Variants in TMEM86A observed in about 807,000 individuals in gnomAD.
The protein encoded by TMEM86A is transmembrane protein 86A, also known as lysoplasmalogenase TMEM86A.
In TMEM86A, 13 loss-of-function variants were observed where a neutral mutation model predicts 19.8. That is an observed-to-expected ratio of 0.66 (90% CI 0.43 to 1.04). The LOEUF (loss-of-function observed/expected upper bound fraction) is 1.04. Among genes scored for constraint, TMEM86A ranks in the 50% least tolerant of loss-of-function variants. The pLI, the probability that TMEM86A is intolerant of heterozygous loss-of-function variation, is 0.00. For missense variants in TMEM86A, 248 were observed against 306.8 expected, an observed-to-expected ratio of 0.81 and a Z score of 1.43; for synonymous variants, 128 against 129.9, an observed-to-expected ratio of 0.99 and a Z score of 0.10.
Position 18,699,217 on chromosome 11 carries a change from G to C in TMEM86A, c.21+310G>C, listed in dbSNP as rs1021849165. Among the ~76,000 whole-genome samples, 8 of 152,332 alleles carry C rather than the reference G, an allele frequency of 5.3e-5. No individual in the cohort carries two copies. Among genetic ancestry groups the C allele is most frequent in the African/African-American group, 1.9e-4 (8 of 41,576 alleles). ...CGGGGTCGCGGCCCGGGAGAGGGAGGGGACCGCTGCCGGCCGCAGAGTTCC... is the reference window on the plus strand; with the variant it reads ...CGGGGTCGCGGCCCGGGAGAGGGAGCGGACCGCTGCCGGCCGCAGAGTTCC... On this transcript the variant is annotated intron_variant, in intron 1 of 2. Transcript: ENST00000280734. The surrounding 1 kb of genome is among the most constrained non-coding windows in gnomAD (Gnocchi z 4.0).
Position 18,701,644 on chromosome 11 carries a change from A to G in TMEM86A, c.358A>G (p.Thr120Ala). 1 of 1,602,384 alleles carries G rather than the reference A, an allele frequency of 6.2e-7. No individual in the cohort carries two copies. Among genetic ancestry groups the G allele is most frequent in the Non-Finnish European group, 8.5e-7 (1 of 1,172,104 alleles). Reference protein sequence around the residue: ...AFGMQPLALRTGLVMAALSGL... With the variant: ...AFGMQPLALRAGLVMAALSGL... ...TGGCATGCAGCCACTGGCTCTTCGG[A>G]CAGGTCTGGTGATGGCAGCGCTGTC... The change falls in exon 3 of 3, where the codon ACA (threonine) becomes GCA (alanine). Residue 120 changes from threonine to alanine, a missense_variant. Thr to Ala is a moderately conservative substitution (Grantham distance 58). Coordinates refer to ENST00000280734, the MANE Select transcript of TMEM86A (RefSeq NM_153347.3). This position sits in a 1 kb window ranked among gnomAD's most constrained non-coding sequence, Gnocchi z 5.3.
Position 18,704,082 on chromosome 11 carries a change from A to G in TMEM86A, c.*2073A>G. On this transcript the variant is annotated 3_prime_UTR_variant, in exon 3 of 3. Transcript: ENST00000280734. Reference sequence around the variant, plus strand: ...GAAGAAATGGGAGGGAGCAGGATGGAGAGCAGGATGAAGTCAGCAGGACTT... The same window carrying G: ...GAAGAAATGGGAGGGAGCAGGATGGGGAGCAGGATGAAGTCAGCAGGACTT... The G allele has an allele frequency of 4.5e-6, 1 of 224,416 alleles. No individual in the cohort carries two copies. The highest frequency in any genetic ancestry group is 1.0e-4 in the East Asian group (1 of 9,992). 13.9% of individuals were successfully genotyped at this position (224,416 alleles called of 1,614,324 possible). A position where few individuals can be genotyped will look rare whatever the true frequency, so the allele number is the denominator to read the frequency against.
Position 18,701,057 on chromosome 11 carries a change from G to C in TMEM86A, c.146G>C (p.Cys49Ser). 1 of 1,614,174 alleles carries C rather than the reference G, an allele frequency of 6.2e-7. No individual in the cohort carries two copies. The highest frequency in any genetic ancestry group is 1.3e-5 in the African/African-American group (1 of 75,042). The change falls in exon 2 of 3, where the codon TGC (cysteine) becomes TCC (serine). Residue 49 changes from cysteine (C) to serine (S), a missense_variant. Cys to Ser is a moderately radical substitution (Grantham distance 112, BLOSUM62 -1). Transcript: ENST00000280734. The surrounding 1 kb of genome is among the most constrained non-coding windows in gnomAD (Gnocchi z 5.3). ...STLIKCLPIF[C>S]LWLFLLAHGL... ...CTCATCAAGTGCCTGCCTATCTTCT[G>C]CCTCTGGCTCTTCCTTCTGGCCCAT...
rs1255108554 is a variant in TMEM86A, at chr11:18,704,775, G to A, written c.*2766G>A. 1 of 470,744 alleles carries A rather than the reference G, an allele frequency of 2.1e-6. No homozygotes were observed. The highest frequency in any genetic ancestry group is 3.9e-6 in the Non-Finnish European group (1 of 257,370). 29.2% of individuals were successfully genotyped at this position (470,744 alleles called of 1,614,324 possible). On this transcript the variant is annotated 3_prime_UTR_variant, in exon 3 of 3. Coordinates refer to ENST00000280734, the MANE Select transcript of TMEM86A (RefSeq NM_153347.3). Reference sequence around the variant, plus strand: ...AGCCTCATAGTCCTATAAAGAAGATGAGAAAACAGGCTCAATGAGGTAGCT... The same window carrying A: ...AGCCTCATAGTCCTATAAAGAAGATAAGAAAACAGGCTCAATGAGGTAGCT...
Position 18,704,769 on chromosome 11 carries a change from G to A in TMEM86A, c.*2760G>A. 1 of 487,168 alleles carries A rather than the reference G, an allele frequency of 2.1e-6. No homozygotes were observed. Among genetic ancestry groups the A allele is most frequent in the Non-Finnish European group, 3.7e-6 (1 of 267,308 alleles). The allele number at this position is 487,168 out of a possible 1,614,324, so 30.2% of individuals were successfully genotyped here. A position where few individuals can be genotyped will look rare whatever the true frequency, so the allele number is the denominator to read the frequency against. On this transcript the variant is annotated 3_prime_UTR_variant, in exon 3 of 3. Transcript: ENST00000280734. ...CATTTAAGCCTCATAGTCCTATAAA[G>A]AAGATGAGAAAACAGGCTCAATGAG...
rs749622971 is a variant in TMEM86A at position 18,701,016 on chromosome 11, A to G, written c.105A>G (p.Pro35=). 2 of 1,614,174 alleles carry G rather than the reference A, an allele frequency of 1.2e-6. No individual in the cohort carries two copies. Among genetic ancestry groups the G allele is most frequent in the African/African-American group, 1.3e-5 (1 of 75,042 alleles). The change falls in exon 2 of 3, where the codon CCA becomes CCG. Residue 35 remains proline, a synonymous_variant. Transcript: ENST00000280734. This position sits in a 1 kb window ranked among gnomAD's most constrained non-coding sequence, Gnocchi z 5.3. ...TGCTCTGGCTGCCCTCATCTAGCCCATCGTGGGTCAGCACCCTCATCAAGT... is the reference window on the plus strand; with the variant it reads ...TGCTCTGGCTGCCCTCATCTAGCCCGTCGTGGGTCAGCACCCTCATCAAGT... ...YFVLWLPSSS[P]SWVSTLIKCL...
In TMEM86A at chr11:18,704,174, G is replaced by C; in HGVS notation, c.*2165G>C. The C allele has an allele frequency of 2.9e-6, 1 of 349,470 alleles. No individual in the cohort carries two copies. The highest frequency in any genetic ancestry group is 5.4e-6 in the Non-Finnish European group (1 of 185,926). 21.6% of individuals were successfully genotyped at this position (349,470 alleles called of 1,614,324 possible). ...GTGGAGGAGGGGAAGGGAAGACCAG[G>C]CCCAGTCACAAGAAGGCTGGTCACT... is the stretch of plus-strand genomic sequence containing the variant. On this transcript the variant is annotated 3_prime_UTR_variant, in exon 3 of 3. Transcript: ENST00000280734.
rs1170641231 is a variant in TMEM86A at position 18,702,480 on chromosome 11, C to T, written c.*471C>T. ...CTGAGAAGACTCAGACCCAGGAGCC[C>T]CTTTCACAGGCCCCTAGTTGGGAAG... On this transcript the variant is annotated 3_prime_UTR_variant, in exon 3 of 3. Coordinates refer to ENST00000280734, the MANE Select transcript of TMEM86A (RefSeq NM_153347.3). 1 of 178,472 alleles carries T rather than the reference C, an allele frequency of 5.6e-6. No homozygotes were observed. Among genetic ancestry groups the T allele is most frequent in the Non-Finnish European group, 1.2e-5 (1 of 81,880 alleles). The allele number at this position is 178,472 out of a possible 1,614,324, so 11.1% of individuals were successfully genotyped here.
At position 18,702,742 on chromosome 11, in the gene TMEM86A, C is replaced by G. The variant is rs1271103648; in HGVS notation, c.*733C>G. On this transcript the variant is annotated 3_prime_UTR_variant, in exon 3 of 3. Coordinates refer to ENST00000280734, the MANE Select transcript of TMEM86A (RefSeq NM_153347.3). ...CTACCCTTAGATCCTATCCCCAGGGCTAGGGTGAACCATGCCAAAGGAAGG... is the reference window on the plus strand; with the variant it reads ...CTACCCTTAGATCCTATCCCCAGGGGTAGGGTGAACCATGCCAAAGGAAGG... The G allele has an allele frequency of 6.5e-6, 1 of 153,414 alleles. No homozygotes were observed. The highest frequency in any genetic ancestry group is 1.5e-5 in the Non-Finnish European group (1 of 68,686). The allele number at this position is 153,414 out of a possible 1,614,324, so 9.5% of individuals were successfully genotyped here.
In TMEM86A at chr11:18,701,604, C is replaced by T; in HGVS notation, c.318C>T (p.Phe106=). 1 of 1,573,760 alleles carries T rather than the reference C, an allele frequency of 6.4e-7. No individual in the cohort carries two copies. The highest frequency in any genetic ancestry group is 8.6e-7 in the Non-Finnish European group (1 of 1,157,866). Residue 106 remains phenylalanine (F), a synonymous_variant, in exon 3 of 3, where the codon TTC becomes TTT. Coordinates refer to ENST00000280734, the MANE Select transcript of TMEM86A (RefSeq NM_153347.3). This position sits in a 1 kb window ranked among gnomAD's most constrained non-coding sequence, Gnocchi z 5.3. The part of the protein sequence containing the change: ...GLLMFAVTHM[F]YASAFGMQPL... ...TGATGTTTGCTGTGACCCACATGTT[C>T]TACGCCTCGGCCTTTGGCATGCAGC...
rs755200462 is a variant in TMEM86A at position 18,701,416 on chromosome 11, C to CT, written c.287-154dup. ...TCCTTCAGGGGACTGGGGTGGTGGTCTTTAACTTTAGATCTTCCTACCCCT... is the reference window on the plus strand; with the variant it reads ...TCCTTCAGGGGACTGGGGTGGTGGTCTTTTAACTTTAGATCTTCCTACCCCT... On this transcript the variant is annotated intron_variant, in intron 2 of 2. Transcript: ENST00000280734. This position sits in a 1 kb window ranked among gnomAD's most constrained non-coding sequence, Gnocchi z 5.3. 6.6e-6 allele frequency among the ~76,000 whole-genome samples: 1 copy of CT among 152,046 alleles called. No individual in the cohort carries two copies. Among genetic ancestry groups the CT allele is most frequent in the Non-Finnish European group, 1.5e-5 (1 of 68,012 alleles).
At position 18,701,532 on chromosome 11, in the gene TMEM86A, T is replaced by A. The variant is rs775493778; in HGVS notation, c.287-41T>A. On this transcript the variant is annotated intron_variant, in intron 2 of 2. Transcript: ENST00000280734. This position sits in a 1 kb window ranked among gnomAD's most constrained non-coding sequence, Gnocchi z 5.3. The stretch of plus-strand genomic sequence containing the variant: ...CCCCCACCCTGTTACTCATTCTTCA[T>A]CAAGCTTGCCCTCAGCTGCCTTTGC... 6.6e-7 allele frequency: 1 copy of A among 1,522,562 alleles called. No homozygotes were observed. Among genetic ancestry groups the A allele is most frequent in the Non-Finnish European group, 8.8e-7 (1 of 1,134,698 alleles). 94.3% of individuals were successfully genotyped at this position (1,522,562 alleles called of 1,614,324 possible).
In TMEM86A at chr11:18,701,510, C is replaced by T; in HGVS notation, c.287-63C>T. The T allele has an allele frequency of 6.7e-7, 1 of 1,491,640 alleles. No homozygotes were observed. Among genetic ancestry groups the T allele is most frequent in the East Asian group, 2.3e-5 (1 of 43,918 alleles). 92.4% of individuals were successfully genotyped at this position (1,491,640 alleles called of 1,614,324 possible). On this transcript the variant is annotated intron_variant, in intron 2 of 2. Transcript: ENST00000280734. This position sits in a 1 kb window ranked among gnomAD's most constrained non-coding sequence, Gnocchi z 5.3. ...TCCATCGCCACATCCATCCCTACCC[C>T]CACCCTGTTACTCATTCTTCATCAA...
Position 18,704,479 on chromosome 11 carries a change from G to A in TMEM86A, c.*2470G>A, listed in dbSNP as rs747457695. Reference sequence around the variant, plus strand: ...GGCTTGGCTGGAGCTCACATGAGGTGCTTTGATTTCTTCTGCAGACTCTCG... The same window carrying A: ...GGCTTGGCTGGAGCTCACATGAGGTACTTTGATTTCTTCTGCAGACTCTCG... On this transcript the variant is annotated 3_prime_UTR_variant, in exon 3 of 3. Coordinates refer to ENST00000280734, the MANE Select transcript of TMEM86A (RefSeq NM_153347.3). 15 of 1,549,976 alleles carry A rather than the reference G, an allele frequency of 9.7e-6. No individual in the cohort carries two copies. The highest frequency in any genetic ancestry group is 2.4e-5 in the South Asian group (2 of 84,016).
rs1848168844 is a variant in TMEM86A, at chr11:18,703,316, T to A, written c.*1307T>A. 1 of 152,332 alleles carries A rather than the reference T, an allele frequency of 6.6e-6. No individual in the cohort carries two copies. The highest frequency in any genetic ancestry group is 1.5e-5 in the Non-Finnish European group (1 of 68,148). 9.4% of individuals were successfully genotyped at this position (152,332 alleles called of 1,614,324 possible). On this transcript the variant is annotated 3_prime_UTR_variant, in exon 3 of 3. Transcript: ENST00000280734. ...CCCTGGTGTGGGTGAGGATGTGGTT[T>A]AGGAGGATGGGGGATGAGTGGTATT...
Position 18,702,345 on chromosome 11 carries a change from T to A in TMEM86A, c.*336T>A. ...CCCCCCACCCACTTCCCCTACCAGGTGGAAGAGTCTGACTCCATGTGTTAT... is the reference window on the plus strand; with the variant it reads ...CCCCCCACCCACTTCCCCTACCAGGAGGAAGAGTCTGACTCCATGTGTTAT... On this transcript the variant is annotated 3_prime_UTR_variant, in exon 3 of 3. Coordinates refer to ENST00000280734, the MANE Select transcript of TMEM86A (RefSeq NM_153347.3). The A allele has an allele frequency of 2.7e-6, 1 of 367,958 alleles. No individual in the cohort carries two copies. The allele number at this position is 367,958 out of a possible 1,614,324, so 22.8% of individuals were successfully genotyped here. A position where few individuals can be genotyped will look rare whatever the true frequency, so the allele number is the denominator to read the frequency against.
rs562246803 is a variant in TMEM86A at position 18,704,099 on chromosome 11, G to C, written c.*2090G>C. 8.2e-6 allele frequency: 2 copies of C among 243,450 alleles called. No homozygotes were observed. Among genetic ancestry groups the C allele is most frequent in the Non-Finnish European group, 1.6e-5 (2 of 121,750 alleles). The allele number at this position is 243,450 out of a possible 1,614,324, so 15.1% of individuals were successfully genotyped here. A position where few individuals can be genotyped will look rare whatever the true frequency, so the allele number is the denominator to read the frequency against. On this transcript the variant is annotated 3_prime_UTR_variant, in exon 3 of 3. Coordinates refer to ENST00000280734, the MANE Select transcript of TMEM86A (RefSeq NM_153347.3). Reference sequence around the variant, plus strand: ...CAGGATGGAGAGCAGGATGAAGTCAGCAGGACTTGCCCCCAAGCTCTGAGG... The same window carrying C: ...CAGGATGGAGAGCAGGATGAAGTCACCAGGACTTGCCCCCAAGCTCTGAGG...
At position 18,700,980 on chromosome 11, in the gene TMEM86A, C is replaced by T. The variant is rs551911585; in HGVS notation, c.69C>T (p.Cys23=). The T allele has an allele frequency of 5.5e-5, 88 of 1,614,162 alleles. 2 individuals carry two copies. The highest frequency in any genetic ancestry group is 4.7e-4 in the African/African-American group (35 of 75,036). The change falls in exon 2 of 3, where the codon TGC becomes TGT. Residue 23 remains cysteine, a synonymous_variant. Coordinates refer to ENST00000280734, the MANE Select transcript of TMEM86A (RefSeq NM_153347.3). ...TGGTGCCGTTCTTCAAGGCCACCTGCGTGTATTTTGTGCTCTGGCTGCCCT... is the reference window on the plus strand; with the variant it reads ...TGGTGCCGTTCTTCAAGGCCACCTGTGTGTATTTTGTGCTCTGGCTGCCCT... ...PKLVPFFKAT[C]VYFVLWLPSS...
rs1848148596 is a variant in TMEM86A at position 18,701,435 on chromosome 11, T to A, written c.287-138T>A. On this transcript the variant is annotated intron_variant, in intron 2 of 2. Transcript: ENST00000280734. This position sits in a 1 kb window ranked among gnomAD's most constrained non-coding sequence, Gnocchi z 5.3. ...GGTGGTCTTTAACTTTAGATCTTCC[T>A]ACCCCTGTTATCCCAAAGCAAAGCT... The A allele has an allele frequency of 9.4e-7, 1 of 1,065,468 alleles. No homozygotes were observed. Among genetic ancestry groups the A allele is most frequent in the African/African-American group, 1.6e-5 (1 of 62,840 alleles). 66.0% of individuals were successfully genotyped at this position (1,065,468 alleles called of 1,614,324 possible).
Sources: gnomAD v4.1 joint callset for allele counts (sites outside exome capture counted in the v4.1 genomes callset) on GRCh38, gnomAD v4.1.1 for gene constraint, Gnocchi (gnomAD v3.1) non-coding constraint, MANE v1.5 for transcripts, NCBI Gene and HGNC (gene_info 2026-07-23, HGNC 2026-07-21) for gene names.